DOCK9: variants seen among roughly 807,000 people sequenced by gnomAD.
DOCK9 encodes the protein dedicator of cytokinesis protein 9.
A neutral mutation model predicts 263.3 loss-of-function variants in DOCK9; 89 were observed. The observed-to-expected ratio is 0.34, with a 90% CI of 0.28 to 0.40. The LOEUF (loss-of-function observed/expected upper bound fraction) is 0.40. Among genes scored for constraint, DOCK9 ranks in the 10% least tolerant of loss-of-function variants. The pLI is 1.00. For synonymous variants in DOCK9, 976 were observed against 973.1 expected (o/e 1.00, Z -0.06); for missense variants, 2,140 against 2,603.4 (o/e 0.82, Z 3.87).
intron 15 of DOCK9, among the ~76,000 whole-genome samples, chr13:98,894,307 T>C (rs1290266875): frequency 1.3e-5 from 2 of 152,178 alleles, no homozygotes; most frequent in Non-Finnish European, 2.9e-5. Context: ...CATATAAAAA[T>C]GACAGAATGT....
rs143816589 is a variant in DOCK9, at chr13:98,839,559, G to T, written c.4199-1950C>A. ...TGCCATTTGCCCCGAATGAGTTTTT[G>T]TCTGGGTTCAATTTTAACAAGGAAC... On this transcript the variant is annotated intron_variant, in intron 38 of 52. Coordinates refer to ENST00000682017, the MANE Select transcript of DOCK9 (RefSeq NM_001366683.2). 1.7e-3 allele frequency among the ~76,000 whole-genome samples: 253 copies of T among 152,312 alleles called. 1 individual carries two copies. The highest frequency in any genetic ancestry group is 5.8e-3 in the African/African-American group (240 of 41,568).
At chr13:99,042,186 A>C (rs1227068702) in intron 1 of DOCK9, among the ~76,000 whole-genome samples, 1 of 152,250 alleles carries the variant, frequency 6.6e-6, no homozygotes, top group African/African-American at 2.4e-5. Flanking sequence ...TGTTACAGAC[A>C]ATAATTCTAA....
intron 40 of DOCK9, 44 bp downstream of exon 40, chr13:98,831,605 G>C (rs1157564259): frequency 6.2e-7 from 1 of 1,603,714 alleles, no homozygotes; most frequent in Non-Finnish European, 8.5e-7. Flanking sequence ...TCAATTCCGG[G>C]GGAAGAAGGA....
At chr13:99,037,828 G>A (rs949372340) in intron 1 of DOCK9, among the ~76,000 whole-genome samples, 9 of 152,126 alleles carry the variant, frequency 5.9e-5, no homozygotes, top group Admixed American at 1.3e-4. Context: ...ACATGGATGC[G>A]TCTCAAATTA....
intron 1 of DOCK9, among the ~76,000 whole-genome samples, chr13:99,021,649 A>AG (rs1886126155): frequency 6.6e-6 from 1 of 151,928 alleles, no homozygotes; most frequent in African/African-American, 2.4e-5. Context: ...AAAAAAAAAA[A>AG]AAAAAAAAAG....
rs371156771 is a variant in DOCK9 at position 99,074,880 on chromosome 13, T to C, written c.129+11343A>G. ...GCACTGGAAAGAGGAACTGCTCACA[T>C]AGGGATGATTGGTGTCACACGGTGT... On this transcript the variant is annotated intron_variant, in intron 1 of 32. Transcript: ENST00000427887. Among the ~76,000 whole-genome samples, 35 of 152,284 alleles carry C rather than the reference T, an allele frequency of 2.3e-4. No homozygotes were observed. In the East Asian group the frequency reaches 5.2e-3, roughly 23 times the overall value.
intron 18 of DOCK9, among the ~76,000 whole-genome samples, chr13:98,886,887 A>G (rs1247472567): frequency 6.6e-6 from 1 of 151,926 alleles, no homozygotes; most frequent in Non-Finnish European, 1.5e-5. Flanking sequence ...TCACATTTCC[A>G]TGCCTTTTCT....
intron 41 of DOCK9, among the ~76,000 whole-genome samples, chr13:98,830,492 G>A (rs909108316): frequency 4.6e-5 from 7 of 152,200 alleles, no homozygotes; most frequent in African/African-American, 1.7e-4. Flanking sequence ...ATTTGGATAT[G>A]CCACCATGGG....
At chr13:99,009,775 C>T (rs1017027253) in intron 1 of DOCK9, among the ~76,000 whole-genome samples, 2 of 152,090 alleles carry the variant, frequency 1.3e-5, no homozygotes, top group Non-Finnish European at 2.9e-5. Context: ...ACACATTCAA[C>T]AAATGACTGT....
At chr13:98,852,667 G>A (rs1022423391) in intron 35 of DOCK9, among the ~76,000 whole-genome samples, 9 of 152,166 alleles carry the variant, frequency 5.9e-5, no homozygotes, top group Non-Finnish European at 1.0e-4. Context: ...CTTTTAATTC[G>A]TTGTAGGAAA....
chr13:98,940,239 G>A (rs913847098), intron 2 of DOCK9, among the ~76,000 whole-genome samples: 1 of 152,180 alleles, frequency 6.6e-6, no homozygotes. Context: ...TCAGGCAAGC[G>A]TTGCCTAAAG....
Position 98,829,331 on chromosome 13 carries a change from A to G in DOCK9, c.4941T>C (p.His1647=), listed in dbSNP as rs766636994. The change falls in exon 43 of 53, where the codon CAT becomes CAC. Residue 1647 remains histidine, a synonymous_variant. Transcript: ENST00000682017. This position sits in a 1 kb window ranked among gnomAD's most constrained non-coding sequence, Gnocchi z 4.1. ...KTWLDSMARI[H]VKNGDLSEAA... is the part of the protein sequence containing the mutation. ...CCTCTGAGAGATCGCCATTTTTGAC[A>G]TGGATCCTGGCCATGCTGTCGAGCC... The G allele has an allele frequency of 2.5e-6, 4 of 1,613,038 alleles. No individual in the cohort carries two copies. Among genetic ancestry groups the G allele is most frequent in the East Asian group, 2.2e-5 (1 of 44,830 alleles).
intron 38 of DOCK9, among the ~76,000 whole-genome samples, chr13:98,843,564 T>C (rs1163713390): frequency 1.3e-5 from 2 of 152,112 alleles, no homozygotes; most frequent in African/African-American, 4.8e-5. Context: ...ACAGAACCAA[T>C]TCGGAATGAG....
intron 24 of DOCK9, 80 bp from the exon 25 acceptor site, chr13:98,881,707 AATG>A: frequency 2.1e-6 from 3 of 1,420,274 alleles, no homozygotes; most frequent in South Asian, 2.5e-5. Flanking sequence ...GTAGTAGAAC[AATG>A]ATGATGCTAT....
intron 2 of DOCK9, among the ~76,000 whole-genome samples, chr13:98,930,544 T>C (rs1459202288): frequency 6.6e-6 from 1 of 152,214 alleles, no homozygotes; most frequent in African/African-American, 2.4e-5. Context: ...TCAAAGTCCC[T>C]AACACCCCAC....
At position 99,059,331 on chromosome 13, in the gene DOCK9, T is replaced by C. The variant is rs2041078082; in HGVS notation, c.129+26892A>G. Among the ~76,000 whole-genome samples the C allele has an allele frequency of 2.0e-5, 3 of 152,176 alleles. No homozygotes were observed. In the East Asian group the frequency reaches 5.8e-4, roughly 29 times the overall value. ...GTCCAGCTGTGGCATGCCGAGGTCA[T>C]CTTTCTTCCCTCACCTGCTTGTTCT... is the stretch of plus-strand genomic sequence containing the variant. On this transcript the variant is annotated intron_variant, in intron 1 of 32. Transcript: ENST00000427887.
intron 1 of DOCK9, among the ~76,000 whole-genome samples, chr13:99,077,185 T>C (rs1019635588): frequency 7.2e-5 from 11 of 152,252 alleles, no homozygotes; most frequent in Non-Finnish European, 1.3e-4. Context: ...CCTATAAGGA[T>C]GGATTAATTA....
At chr13:98,848,487 T>C in intron 37 of DOCK9, 105 bp downstream of exon 37, 1 of 1,244,982 alleles carries the variant, frequency 8.0e-7, no homozygotes, top group Admixed American at 2.1e-5. Flanking sequence ...CCATGGCCGC[T>C]TCCATGAACC....
At chr13:99,042,430 G>A (rs927552836) in intron 1 of DOCK9, among the ~76,000 whole-genome samples, 1 of 152,202 alleles carries the variant, frequency 6.6e-6, no homozygotes, top group Non-Finnish European at 1.5e-5. Context: ...GCTGAACGGG[G>A]ATCCTTCCCA....
Sources: allele counts gnomAD v4.1 joint callset (sites outside exome capture counted in the v4.1 genomes callset), GRCh38; gene constraint gnomAD v4.1.1; non-coding constraint Gnocchi (gnomAD v3.1); transcripts MANE v1.5; gene names NCBI Gene and HGNC (gene_info 2026-07-23, HGNC 2026-07-21).